Variants in DIP2C observed in about 807,000 individuals in gnomAD.
The protein encoded by DIP2C is DIP2 acetate--CoA ligase C (putative), also known as disco-interacting protein 2 homolog C.
Under a neutral mutation model 192.4 loss-of-function variants are expected in DIP2C, and 33 were observed. The observed-to-expected ratio is 0.17, with a 90% CI of 0.13 to 0.23. DIP2C has a LOEUF of 0.23. DIP2C is among the 10% of genes least tolerant of loss of function. The pLI, the probability that DIP2C is intolerant of heterozygous loss-of-function variation, is 1.00. For missense variants in DIP2C, 1,537 were observed against 2,110.1 expected (o/e 0.73, Z 5.32); for synonymous variants, 979 against 864.1 (o/e 1.13, Z -2.33).
At chr10:603,432 T>C (rs1852239986) in intron 1 of DIP2C, among the ~76,000 whole-genome samples, 1 of 151,604 alleles carries the variant, frequency 6.6e-6, no homozygotes, top group Non-Finnish European at 1.5e-5. Context: ...AGGACCTCTG[T>C]CTCTGATGTG....
At chr10:485,083 C>CT (rs1328126358) in intron 2 of DIP2C, 4 of 1,190,164 alleles carry the variant, frequency 3.4e-6, no homozygotes, top group African/African-American at 3.1e-5. Flanking sequence ...CACGACCGCC[C>CT]TCTGCGCCCG....
chr10:609,963 G>A (rs1430790546), intron 1 of DIP2C, among the ~76,000 whole-genome samples: 1 of 152,006 alleles, frequency 6.6e-6, no homozygotes. Context: ...AGGGCTTTGG[G>A]GACAGGCTGC....
chr10:416,698 T>A (rs1013239068), intron 6 of DIP2C, among the ~76,000 whole-genome samples: 2 of 152,068 alleles, frequency 1.3e-5, no homozygotes, highest in African/African-American at 4.8e-5. Context: ...GGTTTTCAAA[T>A]TTTAAGATAA....
chr10:440,142 T>G (rs1403980268), intron 4 of DIP2C, among the ~76,000 whole-genome samples: 3 of 152,140 alleles, frequency 2.0e-5, no homozygotes, highest in South Asian at 2.1e-4. Context: ...GCAGAGAAAA[T>G]AGAGAATTTG....
intron 6 of DIP2C, 147 bp downstream of exon 6, chr10:418,918 C>T: frequency 8.1e-7 from 1 of 1,237,368 alleles, no homozygotes; most frequent in Non-Finnish European, 1.1e-6. Flanking sequence ...AGGCCACCTT[C>T]CATGAGAGGC....
intron 31 of DIP2C, among the ~76,000 whole-genome samples, chr10:325,181 C>T (rs936597723): frequency 6.7e-6 from 1 of 149,134 alleles, no homozygotes; most frequent in South Asian, 2.1e-4. Flanking sequence ...AGGAGAATGG[C>T]GTGAACCCAG....
In DIP2C at chr10:495,687, C is replaced by G. The variant is rs563848859; in HGVS notation, c.86-9157G>C. Among the ~76,000 whole-genome samples the G allele has an allele frequency of 7.2e-5, 11 of 152,242 alleles. No homozygotes were observed. In the East Asian group the frequency reaches 2.1e-3, roughly 29 times the overall value. ...CTCAAGTCCCTGATAGAAAATGGCT[C>G]AGCATTTACATAGAACCCACATGTG... On this transcript the variant is annotated intron_variant, in intron 1 of 36. Transcript: ENST00000280886.
chr10:668,113 GCACAA>G (rs1368269444), intron 1 of DIP2C: 1 of 140,128 alleles, frequency 7.1e-6, no homozygotes, highest in Non-Finnish European at 1.5e-5. Flanking sequence ...AACACAACAT[GCACAA>G]CACAACATAC....
At chr10:338,097 G>C (rs1017206217) in intron 29 of DIP2C, among the ~76,000 whole-genome samples, 5 of 152,210 alleles carry the variant, frequency 3.3e-5, no homozygotes, top group African/African-American at 7.2e-5. Context: ...ATAGAAAGCA[G>C]CTTATAAAGG....
At chr10:682,000 C>CT (rs1284970986) in intron 1 of DIP2C, among the ~76,000 whole-genome samples, 1 of 152,220 alleles carries the variant, frequency 6.6e-6, no homozygotes, top group Non-Finnish European at 1.5e-5. Context: ...GCCTTCCACT[C>CT]TAAGTTCCAA....
chr10:532,233 T>G (rs957251920), intron 1 of DIP2C, among the ~76,000 whole-genome samples: 2 of 152,072 alleles, frequency 1.3e-5, no homozygotes, highest in Non-Finnish European at 2.9e-5. Context: ...TGGAAGCCCA[T>G]CCAGTTACCC....
intron 33 of DIP2C, among the ~76,000 whole-genome samples, chr10:287,231 G>A (rs934103582): frequency 6.6e-6 from 1 of 152,038 alleles, no homozygotes; most frequent in Non-Finnish European, 1.5e-5. Flanking sequence ...TTACAGGCAT[G>A]AGACACTGGC....
At chr10:556,306 A>C (rs1051325873) in intron 1 of DIP2C, among the ~76,000 whole-genome samples, 1 of 9,576 alleles carries the variant, frequency 1.0e-4, no homozygotes, top group Admixed American at 1.4e-3. Context: ...GACGGCACCC[A>C]CCCACCCCCT....
intron 1 of DIP2C, among the ~76,000 whole-genome samples, chr10:590,028 G>GA (rs1851309744): frequency 1.3e-5 from 2 of 152,344 alleles, no homozygotes; most frequent in African/African-American, 4.8e-5. Flanking sequence ...GTTCAAACAG[G>GA]AGAAAGGTAG....
In DIP2C at chr10:419,086, C is replaced by T. The variant is rs752164092; in HGVS notation, c.718G>A (p.Glu240Lys). ...SRTAPKYGNA[E>K]LMETGDGVPV... ...GTACCATCCCCGGTCTCCATGAGCT[C>T]GGCGTTGCCGTACTTGGGCGCTGTC... The change falls in exon 6 of 37, where the codon GAG becomes AAG. Residue 240 changes from glutamate to lysine, a missense_variant. Coordinates refer to ENST00000280886, the MANE Select transcript of DIP2C (RefSeq NM_014974.3). The T allele has an allele frequency of 2.5e-5, 41 of 1,614,150 alleles. No homozygotes were observed. Among genetic ancestry groups the T allele is most frequent in the East Asian group, 8.9e-5 (4 of 44,894 alleles).
chr10:479,477 G>A (rs1344184531), intron 2 of DIP2C, among the ~76,000 whole-genome samples: 1 of 151,844 alleles, frequency 6.6e-6, no homozygotes, highest in Non-Finnish European at 1.5e-5. Flanking sequence ...GGAATTACAG[G>A]CACCCATCAC....
chr10:328,930 T>C (rs1589497252), intron 30 of DIP2C, among the ~76,000 whole-genome samples: 1 of 152,216 alleles, frequency 6.6e-6, no homozygotes, highest in East Asian at 1.9e-4. Flanking sequence ...GAAATACTAT[T>C]ATTCTTACAT....
chr10:574,001 G>C (rs950836961), intron 1 of DIP2C, among the ~76,000 whole-genome samples: 1 of 152,258 alleles, frequency 6.6e-6, no homozygotes, highest in East Asian at 1.9e-4. Context: ...TTTCCTCAAC[G>C]GGAACACTTT....
intron 32 of DIP2C, among the ~76,000 whole-genome samples, chr10:308,057 C>T (rs951923177): frequency 2.8e-5 from 4 of 142,872 alleles, no homozygotes; most frequent in African/African-American, 8.0e-5. Context: ...GGTGCCTGGG[C>T]GGGGCCCAGC....
Sources: allele counts gnomAD v4.1 joint callset (sites outside exome capture counted in the v4.1 genomes callset), GRCh38; gene constraint gnomAD v4.1.1; transcripts MANE v1.5; gene names NCBI Gene and HGNC (gene_info 2026-07-23, HGNC 2026-07-21).